Variants in NXPE2 observed in about 807,000 individuals in gnomAD.
NXPE2 encodes neurexophilin and PC-esterase domain family member 2.
In NXPE2, 34 loss-of-function variants were observed where a neutral mutation model predicts 34.4. The ratio of observed to expected loss-of-function variants is 0.99; its 90% CI spans 0.75 to 1.31. The LOEUF is 1.31. Among genes scored for constraint, NXPE2 ranks in the 40% most tolerant of loss-of-function variants. The probability of loss-of-function intolerance (pLI) is 0.00; values close to 1 mark genes in which losing one functional copy is unlikely to be tolerated. For synonymous variants in NXPE2, 235 were observed against 231.3 expected, an observed-to-expected ratio of 1.02 and a Z score of -0.15; for missense variants, 649 against 672.5, an observed-to-expected ratio of 0.97 and a Z score of 0.39.
At chr11:114,571,363 C>G in the NXPE2 span, 2 of 1,613,982 alleles carry the variant, frequency 1.2e-6, no homozygotes, top group Admixed American at 3.3e-5. Context: ...GTCATTGATC[C>G]TATCAAGGGA....
chr11:114,465,165 G>A, the NXPE2 span, among the ~76,000 whole-genome samples: 1 of 152,114 alleles, frequency 6.6e-6, no homozygotes, highest in East Asian at 1.9e-4. Context: ...AGATCCAGTG[G>A]TTCTACTTCT....
the NXPE2 span, among the ~76,000 whole-genome samples, chr11:114,632,502 GTATTT>G: frequency 2.5e-5 from 3 of 118,462 alleles, no homozygotes; most frequent in East Asian, 2.2e-4. Context: ...ATATATTATA[GTATTT>G]TATTTTATAT....
the NXPE2 span, among the ~76,000 whole-genome samples, chr11:114,806,101 C>G: frequency 6.6e-6 from 1 of 152,204 alleles, no homozygotes; most frequent in Non-Finnish European, 1.5e-5. Context: ...GAGTGGACCT[C>G]TAGCAAACTC....
At chr11:114,650,276 G>A in the NXPE2 span, among the ~76,000 whole-genome samples, 238 of 152,266 alleles carry the variant, frequency 1.6e-3, 4 homozygotes, top group Middle Eastern at 0.017. Flanking sequence ...AATCCTGCAA[G>A]AATAAAAATG....
the NXPE2 span, among the ~76,000 whole-genome samples, chr11:114,804,635 G>A: frequency 6.6e-6 from 1 of 152,210 alleles, no homozygotes; most frequent in African/African-American, 2.4e-5. Context: ...GTCTTAGAGA[G>A]AAGTCTTCAT....
the NXPE2 span, among the ~76,000 whole-genome samples, chr11:114,602,202 T>A: frequency 8.5e-4 from 92 of 108,718 alleles, no homozygotes; most frequent in African/African-American, 3.3e-3. Context: ...TAATATATAA[T>A]ACTATATACA....
the NXPE2 span, among the ~76,000 whole-genome samples, chr11:114,774,760 G>A: frequency 6.6e-6 from 1 of 151,972 alleles, no homozygotes; most frequent in Non-Finnish European, 1.5e-5. Flanking sequence ...CTTGACTCAA[G>A]CCCGAGCTCC....
the NXPE2 span, chr11:114,554,460 T>C: frequency 6.2e-6 from 5 of 803,784 alleles, no homozygotes; most frequent in South Asian, 2.8e-4. Flanking sequence ...ATCAGTCCTA[T>C]GACCTCTTTT....
chr11:114,724,537 G>A, the NXPE2 span, among the ~76,000 whole-genome samples: 1 of 152,040 alleles, frequency 6.6e-6, no homozygotes, highest in South Asian at 2.1e-4. Flanking sequence ...CCAGTCCTTT[G>A]CAGAGTTTTT....
the NXPE2 span, among the ~76,000 whole-genome samples, chr11:114,740,480 C>T: frequency 0.13 from 19,315 of 151,910 alleles, 1,540 homozygotes; most frequent in African/African-American, 0.22. Flanking sequence ...GTATATATAC[C>T]CAGAAGTGGG....
chr11:114,777,524 T>A, the NXPE2 span, among the ~76,000 whole-genome samples: 5 of 151,954 alleles, frequency 3.3e-5, no homozygotes, highest in African/African-American at 1.2e-4. Context: ...GAAGCTGGAG[T>A]CTTTCCTGGG....
chr11:114,603,225 G>C, the NXPE2 span, among the ~76,000 whole-genome samples: 4 of 151,814 alleles, frequency 2.6e-5, no homozygotes, highest in African/African-American at 9.7e-5. Context: ...TTACCTGGTG[G>C]ATGATAAGTA....
At chr11:114,539,876 A>G in the NXPE2 span, among the ~76,000 whole-genome samples, 3 of 152,198 alleles carry the variant, frequency 2.0e-5, no homozygotes, top group African/African-American at 7.2e-5. Context: ...AAATTGTATC[A>G]AGAAAATGGT....
the NXPE2 span, among the ~76,000 whole-genome samples, chr11:114,725,976 A>ATATATATAT: frequency 2.0e-3 from 202 of 101,734 alleles, 3 homozygotes; most frequent in Middle Eastern, 4.7e-3. Context: ...ATAAAAAAAA[A>ATATATATAT]ATATATATAT....
chr11:114,698,666 GC>G lies in NXPE2; in HGVS notation c.756del (p.Phe253SerfsTer4). 1 of 1,614,192 alleles carries G rather than the reference GC, an allele frequency of 6.2e-7. No individual in the cohort carries two copies. The highest frequency in any genetic ancestry group is 8.5e-7 in the Non-Finnish European group (1 of 1,180,020). The part of the protein sequence containing the change: ...CQYMDDRDQE[A>X]FYCVRPQHMP... Reference sequence around the variant, plus strand: ...GTACATGGATGACAGAGACCAAGAAGCCTTCTACTGTGTGAGGCCTCAACAT... The same window carrying G: ...GTACATGGATGACAGAGACCAAGAAGCTTCTACTGTGTGAGGCCTCAACAT... On this transcript the variant is annotated frameshift_variant, in exon 3 of 6. Transcript: ENST00000389586. LOFTEE classifies it high-confidence loss of function.
chr11:114,663,397 A>C, the NXPE2 span, among the ~76,000 whole-genome samples: 1 of 152,126 alleles, frequency 6.6e-6, no homozygotes, highest in Admixed American at 6.6e-5. Context: ...AAATGGTTGC[A>C]GGTAACAAAA....
At chr11:114,655,642 T>C in the NXPE2 span, among the ~76,000 whole-genome samples, 10 of 152,294 alleles carry the variant, frequency 6.6e-5, no homozygotes, top group South Asian at 2.1e-3. Context: ...TGTAGATGTG[T>C]GGTATTATTT....
chr11:114,589,335 CTGAA>C, the NXPE2 span, among the ~76,000 whole-genome samples: 249 of 152,228 alleles, frequency 1.6e-3, 1 homozygote, highest in African/African-American at 5.8e-3. Context: ...ATTCTGGAAA[CTGAA>C]GGAAGGAAGG....
the NXPE2 span, among the ~76,000 whole-genome samples, chr11:114,773,732 G>C: frequency 6.6e-6 from 1 of 152,228 alleles, no homozygotes; most frequent in Non-Finnish European, 1.5e-5. Flanking sequence ...CCCCAGTGGG[G>C]GTGAGGATTA....
Sources: allele counts gnomAD v4.1 joint callset (sites outside exome capture counted in the v4.1 genomes callset), GRCh38; gene constraint gnomAD v4.1.1; transcripts MANE v1.5; gene names NCBI Gene and HGNC (gene_info 2026-07-23, HGNC 2026-07-21).